Variants in KIAA1217 observed in about 807,000 individuals in gnomAD.
The protein encoded by KIAA1217 is KIAA1217.
In KIAA1217, 88 loss-of-function variants were observed where a neutral mutation model predicts 163.9. The observed-to-expected ratio is 0.54, with a 90% CI of 0.45 to 0.64. KIAA1217 has a LOEUF of 0.64. Among genes scored for constraint, KIAA1217 ranks in the 30% least tolerant of loss-of-function variants. KIAA1217 has a pLI of 0.00. For synonymous variants in KIAA1217, 903 were observed against 923.1 expected, an observed-to-expected ratio of 0.98 and a Z score of 0.39; for missense variants, 2,372 against 2,475.0, an observed-to-expected ratio of 0.96 and a Z score of 0.88.
At chr10:24,396,162 C>A (rs373332193) in intron 3 of KIAA1217, among the ~76,000 whole-genome samples, 2 of 151,912 alleles carry the variant, frequency 1.3e-5, no homozygotes, top group Admixed American at 1.3e-4. Context: ...CATGGTGAAA[C>A]CCTCTCTCTA....
intron 2 of KIAA1217, among the ~76,000 whole-genome samples, chr10:24,019,598 T>C (rs1406703208): frequency 6.6e-6 from 1 of 151,830 alleles, no homozygotes; most frequent in Non-Finnish European, 1.5e-5. Context: ...TTAGGGGCCA[T>C]AGAGTCTTGG....
intron 1 of KIAA1217, among the ~76,000 whole-genome samples, chr10:23,706,542 A>G (rs563983967): frequency 6.4e-4 from 97 of 152,086 alleles, no homozygotes; most frequent in African/African-American, 2.3e-3. Flanking sequence ...TTTGATTTTT[A>G]TTCTTTATTA....
At chr10:24,337,021 A>G (rs898053997) in intron 2 of KIAA1217, among the ~76,000 whole-genome samples, 5 of 152,236 alleles carry the variant, frequency 3.3e-5, no homozygotes, top group South Asian at 2.1e-4. Flanking sequence ...TATAGATATG[A>G]CAACAAAACA....
intron 3 of KIAA1217, among the ~76,000 whole-genome samples, chr10:24,409,997 C>CTTTT (rs71397947): frequency 0.059 from 7,318 of 123,590 alleles, 272 homozygotes; most frequent in East Asian, 0.093. Context: ...TTTCTTTTTT[C>CTTTT]TTTTTTTTTT....
At chr10:24,453,812 C>A (rs1194873080) in intron 5 of KIAA1217, among the ~76,000 whole-genome samples, 1 of 152,162 alleles carries the variant, frequency 6.6e-6, no homozygotes. Context: ...GCACAAAGAA[C>A]TTGAGAGTTA....
chr10:23,835,813 A>G (rs529091681), intron 1 of KIAA1217, among the ~76,000 whole-genome samples: 3 of 152,102 alleles, frequency 2.0e-5, no homozygotes, highest in Non-Finnish European at 4.4e-5. Context: ...CCACACTGCC[A>G]TGAGAAGTCA....
At chr10:24,412,889 T>C (rs2057919540) in intron 3 of KIAA1217, among the ~76,000 whole-genome samples, 1 of 152,096 alleles carries the variant, frequency 6.6e-6, no homozygotes, top group African/African-American at 2.4e-5. Flanking sequence ...AAAATGAACT[T>C]CTTATTTCCT....
At chr10:23,818,242 A>G (rs1837440473) in intron 1 of KIAA1217, among the ~76,000 whole-genome samples, 1 of 143,268 alleles carries the variant, frequency 7.0e-6, no homozygotes, top group Admixed American at 7.1e-5. Flanking sequence ...TATATATTAT[A>G]CATAATATAT....
chr10:24,327,246 C>T (rs77014707), intron 2 of KIAA1217, among the ~76,000 whole-genome samples: 2,577 of 152,264 alleles, frequency 0.017, 53 homozygotes, highest in East Asian at 0.1. Flanking sequence ...CAAATACAGA[C>T]GTTTCAGAAA....
chr10:24,521,885 G>A lies in KIAA1217; in HGVS notation c.2412G>A (p.Leu804=), dbSNP rs1208247165. ...AGCCACACAAGCTGGACAGTCTCCT[G>A]AAGCGTGTGCGCAGCATGACAGACG... The part of the protein sequence containing the change: ...KEEPHKLDSL[L]KRVRSMTDVL... The change falls in exon 12 of 21, where the codon CTG becomes CTA. Residue 804 remains leucine (L), a synonymous_variant. Transcript: ENST00000376454. 1 of 1,613,670 alleles carries A rather than the reference G, an allele frequency of 6.2e-7. No individual in the cohort carries two copies. The highest frequency in any genetic ancestry group is 1.1e-5 in the South Asian group (1 of 91,088).
intron 2 of KIAA1217, among the ~76,000 whole-genome samples, chr10:24,011,189 T>G (rs1359608962): frequency 1.3e-5 from 2 of 152,114 alleles, no homozygotes; most frequent in Non-Finnish European, 2.9e-5. Context: ...TATTTCCATC[T>G]AAGAAATTGT....
intron 5 of KIAA1217, among the ~76,000 whole-genome samples, chr10:24,463,918 T>A (rs1366826481): frequency 1.3e-5 from 2 of 152,214 alleles, no homozygotes; most frequent in Non-Finnish European, 2.9e-5. Flanking sequence ...GGCTGTAATG[T>A]CCCAAGGTAG....
intron 2 of KIAA1217, among the ~76,000 whole-genome samples, chr10:24,321,252 G>T (rs1473543267): frequency 6.6e-6 from 1 of 152,154 alleles, no homozygotes; most frequent in Non-Finnish European, 1.5e-5. Context: ...CCAAGGGATA[G>T]GCTCGGCACA....
In KIAA1217 at chr10:24,320,016, A is replaced by G. The variant is rs115063319; in HGVS notation, c.355-60853A>G. Among the ~76,000 whole-genome samples the G allele has an allele frequency of 3.2e-3, 487 of 152,124 alleles. 3 individuals are homozygous for G. The highest frequency in any genetic ancestry group is 0.011 in the African/African-American group (466 of 41,500). On this transcript the variant is annotated intron_variant, in intron 2 of 20. Transcript: ENST00000376454. ...CATAATTAGCATATAAAACTCCCAA[A>G]TTTTTTTTGCAATTACCATCGTCTA...
intron 2 of KIAA1217, among the ~76,000 whole-genome samples, chr10:24,247,673 C>T (rs1488624047): frequency 2.0e-5 from 3 of 151,686 alleles, no homozygotes; most frequent in East Asian, 1.9e-4. Context: ...TTGTGGCGGG[C>T]GCCTGTAGTC....
chr10:23,790,627 A>ATG (rs1264151338), intron 1 of KIAA1217, among the ~76,000 whole-genome samples: 20 of 136,366 alleles, frequency 1.5e-4, no homozygotes, highest in Admixed American at 1.1e-3. Context: ...ATATATACAT[A>ATG]TATATGTACA....
At chr10:24,131,731 G>T (rs1307110311) in intron 2 of KIAA1217, among the ~76,000 whole-genome samples, 1 of 152,146 alleles carries the variant, frequency 6.6e-6, no homozygotes. Flanking sequence ...AAAGAATGAT[G>T]AAATGCATTT....
intron 1 of KIAA1217, among the ~76,000 whole-genome samples, chr10:24,214,932 A>G (rs1014312974): frequency 1.4e-4 from 21 of 152,186 alleles, no homozygotes; most frequent in African/African-American, 4.1e-4. Context: ...AGGTCAGCTG[A>G]CCCAGCCAGA....
intron 1 of KIAA1217, among the ~76,000 whole-genome samples, chr10:23,781,480 A>G (rs1835256899): frequency 6.6e-6 from 1 of 152,196 alleles, no homozygotes; most frequent in Admixed American, 6.5e-5. Context: ...TATTTTGGAC[A>G]TTAACCCCTT....
Sources: gnomAD v4.1 joint callset for allele counts (sites outside exome capture counted in the v4.1 genomes callset) on GRCh38, gnomAD v4.1.1 for gene constraint, MANE v1.5 for transcripts, NCBI Gene and HGNC (gene_info 2026-07-23, HGNC 2026-07-21) for gene names.